HDAC4: variants seen among roughly 807,000 people sequenced by gnomAD.
HDAC4 encodes the protein histone deacetylase A.
Under a neutral mutation model 135.1 loss-of-function variants are expected in HDAC4, and 16 were observed. The observed-to-expected ratio is 0.12, with a 90% CI of 0.08 to 0.18. The LOEUF is 0.18. Ranked by LOEUF, HDAC4 falls within the 10% of genes least tolerant of loss-of-function variation. The pLI is 1.00. For synonymous variants in HDAC4, 685 were observed against 653.4 expected (o/e 1.05, Z -0.74); for missense variants, 1,143 against 1,511.8 (o/e 0.76, Z 4.05).
At chr2:239,200,605 A>T (rs2045697701) in intron 3 of HDAC4, among the ~76,000 whole-genome samples, 1 of 152,238 alleles carries the variant, frequency 6.6e-6, no homozygotes, top group African/African-American at 2.4e-5. Context: ...TTATGCTTGA[A>T]AAATAAGAAT....
intron 3 of HDAC4, among the ~76,000 whole-genome samples, chr2:239,197,173 G>A (rs2045446652): frequency 6.6e-6 from 1 of 152,310 alleles, no homozygotes; most frequent in Admixed American, 6.5e-5. Context: ...ATCTGAAAAC[G>A]TGTCGATTCT....
chr2:239,259,185 C>T (rs972360368), intron 2 of HDAC4, among the ~76,000 whole-genome samples: 4 of 152,208 alleles, frequency 2.6e-5, no homozygotes, highest in Non-Finnish European at 5.9e-5. Flanking sequence ...CAGTGGCTCA[C>T]GCCTGTAATC....
intron 1 of HDAC4, among the ~76,000 whole-genome samples, chr2:239,366,341 T>C (rs1211202435): frequency 6.6e-6 from 1 of 152,194 alleles, no homozygotes. Flanking sequence ...CAAGAATAAC[T>C]GTCCGTTAGC....
intron 6 of HDAC4, among the ~76,000 whole-genome samples, chr2:239,163,058 G>A (rs115863054): frequency 0.011 from 1,612 of 149,590 alleles, 37 homozygotes; most frequent in African/African-American, 0.038. Context: ...GCATCACCTC[G>A]CCACTCGCTC....
rs1021576432 is a variant in HDAC4, at chr2:239,075,104, G to C, written c.2750+5991C>G. On this transcript the variant is annotated intron_variant, in intron 22 of 26. Transcript: ENST00000543185. ...CTGGGCGTGGTGGCGGGTGCCTGTA[G>C]TCCCAGCTACTCAGGAAGCTGAGGC... 4.0e-5 allele frequency among the ~76,000 whole-genome samples: 6 copies of C among 151,618 alleles called. No homozygotes were observed. The South Asian group carries it at 1.0e-3, about 26-fold the overall frequency.
At chr2:239,252,508 G>T (rs2048839140) in intron 2 of HDAC4, among the ~76,000 whole-genome samples, 1 of 152,202 alleles carries the variant, frequency 6.6e-6, no homozygotes, top group Admixed American at 6.5e-5. Flanking sequence ...GCATTTCTCA[G>T]GTTTTAGCAG....
At chr2:239,321,419 A>C (rs113668091) in intron 2 of HDAC4, among the ~76,000 whole-genome samples, 379 of 139,368 alleles carry the variant, frequency 2.7e-3, no homozygotes, top group African/African-American at 9.5e-3. Flanking sequence ...GAGCCGAGAT[A>C]GCGCCACTGC....
At chr2:239,100,867 T>C (rs1358225784) in intron 16 of HDAC4, among the ~76,000 whole-genome samples, 1 of 152,000 alleles carries the variant, frequency 6.6e-6, no homozygotes, top group Middle Eastern at 3.2e-3. Context: ...AGGAAGCCCC[T>C]GTCTTCCACC....
chr2:239,268,834 G>A (rs2049892508), intron 2 of HDAC4, among the ~76,000 whole-genome samples: 1 of 152,220 alleles, frequency 6.6e-6, no homozygotes, highest in Admixed American at 6.5e-5. Context: ...AAGCCTACCA[G>A]GGGACCTTAG....
intron 2 of HDAC4, among the ~76,000 whole-genome samples, chr2:239,261,158 G>A (rs907440499): frequency 2.6e-5 from 4 of 152,202 alleles, no homozygotes; most frequent in African/African-American, 9.6e-5. Context: ...GGTGGCCGGG[G>A]TGGTGTTAAA....
chr2:239,125,039 C>T (rs952851100), intron 12 of HDAC4, among the ~76,000 whole-genome samples: 3 of 152,218 alleles, frequency 2.0e-5, no homozygotes, highest in Non-Finnish European at 4.4e-5. Context: ...CGTGTGGCCG[C>T]GCATCACAGG....
intron 1 of HDAC4, among the ~76,000 whole-genome samples, chr2:239,390,406 C>A (rs536755668): frequency 6.6e-6 from 1 of 152,262 alleles, no homozygotes; most frequent in South Asian, 2.1e-4. Context: ...TGGTGGCATG[C>A]GTCTTTGGTT....
rs367697109 is a variant in HDAC4, at chr2:239,357,740, T to A, written c.-219-4822A>T. Among the ~76,000 whole-genome samples the A allele has an allele frequency of 3.6e-5, 5 of 140,634 alleles. No homozygotes were observed. In the South Asian group the frequency reaches 9.9e-4, roughly 28 times the overall value. 92.3% of individuals were successfully genotyped at this position (140,634 alleles called of 152,430 possible). A position where few individuals can be genotyped will look rare whatever the true frequency, so the allele number is the denominator to read the frequency against. On this transcript the variant is annotated intron_variant, in intron 1 of 26. Coordinates refer to ENST00000543185, the MANE Select transcript of HDAC4 (RefSeq NM_001378414.1). ...CTCGACAAAAAATAATAAAAAAAAATAAGCTGGGCATGGTGGTGCATGCCT... is the reference window on the plus strand; with the variant it reads ...CTCGACAAAAAATAATAAAAAAAAAAAAGCTGGGCATGGTGGTGCATGCCT...
chr2:239,163,994 G>A (rs1037900927), intron 5 of HDAC4, 71 bp from the exon 6 acceptor site: 4 of 1,585,724 alleles, frequency 2.5e-6, no homozygotes, highest in Non-Finnish European at 3.5e-6. Flanking sequence ...AGGGCAGCGG[G>A]GCCACAGAGG....
chr2:239,053,261 C>T, intron 26 of HDAC4, 125 bp from the exon 27 acceptor site: 1 of 1,382,034 alleles, frequency 7.2e-7, no homozygotes, highest in Non-Finnish European at 1.0e-6. Flanking sequence ...GCCTGGCAGC[C>T]CCGGGTCCAT....
chr2:239,214,334 G>C (rs1358838214), intron 3 of HDAC4, among the ~76,000 whole-genome samples: 1 of 152,116 alleles, frequency 6.6e-6, no homozygotes, highest in Non-Finnish European at 1.5e-5. Context: ...CGATCCTCTT[G>C]ATTTCTTCCT....
At chr2:239,138,218 C>A (rs1269603777) in intron 9 of HDAC4, among the ~76,000 whole-genome samples, 2 of 152,060 alleles carry the variant, frequency 1.3e-5, no homozygotes, top group Non-Finnish European at 2.9e-5. Flanking sequence ...CTGAAGAAGA[C>A]AGGTAATAAA....
At chr2:239,378,403 T>C (rs960456000) in intron 1 of HDAC4, among the ~76,000 whole-genome samples, 2 of 151,808 alleles carry the variant, frequency 1.3e-5, no homozygotes, top group African/African-American at 2.4e-5. Flanking sequence ...AAGAGCTGAG[T>C]CACATGCTCA....
chr2:239,262,934 CT>C lies in HDAC4; in HGVS notation c.23-26271del, dbSNP rs2049460863. On this transcript the variant is annotated intron_variant, in intron 2 of 26. Transcript: ENST00000543185. The surrounding 1 kb of genome is among the most constrained non-coding windows in gnomAD (Gnocchi z 4.1). ...CGGCACCACTGAGACAGCCTGGAAG[CT>C]TCTGTGCTTCACGAAAGATCTACGC... 6.6e-6 allele frequency among the ~76,000 whole-genome samples: 1 copy of C among 151,998 alleles called. No individual in the cohort carries two copies. Among genetic ancestry groups the C allele is most frequent in the South Asian group, 2.1e-4 (1 of 4,816 alleles).
Sources: allele counts gnomAD v4.1 joint callset (sites outside exome capture counted in the v4.1 genomes callset), GRCh38; gene constraint gnomAD v4.1.1; non-coding constraint Gnocchi (gnomAD v3.1); transcripts MANE v1.5; gene names NCBI Gene and HGNC (gene_info 2026-07-23, HGNC 2026-07-21).